The following WDR35 variants were observed in gnomAD, a reference collection of about 807,000 sequenced individuals.
WDR35 encodes the protein WD repeat-containing protein 35.
A neutral mutation model predicts 158.3 loss-of-function variants in WDR35; 118 were observed. The observed-to-expected ratio is 0.75, with a 90% CI of 0.64 to 0.87. The LOEUF (loss-of-function observed/expected upper bound fraction) is 0.87. WDR35 is among the 40% of genes least tolerant of loss of function. WDR35 has a pLI of 0.00. For synonymous variants in WDR35, 448 were observed against 476.1 expected, an observed-to-expected ratio of 0.94 and a Z score of 0.77; for missense variants, 1,263 against 1,405.8, an observed-to-expected ratio of 0.90 and a Z score of 1.62.
At chr2:19,942,364 G>A (rs1670907328) in intron 16 of WDR35, among the ~76,000 whole-genome samples, 1 of 152,120 alleles carries the variant, frequency 6.6e-6, no homozygotes, top group South Asian at 2.1e-4. Flanking sequence ...ACATGAGCCA[G>A]AGTGCATTCC....
chr2:19,948,056 G>T, intron 14 of WDR35, 108 bp downstream of exon 14: 1 of 869,484 alleles, frequency 1.2e-6, no homozygotes, highest in Non-Finnish European at 1.8e-6. Context: ...TCCTGCTTCA[G>T]CTTCCCAAGT....
In WDR35 at chr2:19,931,401, A is replaced by G; in HGVS notation, c.2832T>C (p.Asp944=). The change falls in exon 24 of 27, where the codon GAT becomes GAC. Residue 944 remains aspartate, a synonymous_variant. Coordinates refer to ENST00000281405, the MANE Select transcript of WDR35 (RefSeq NM_020779.4). ...DAAKLMFKIA[D]EEAKKGSKPL... ...GTTTACTTCCTTTCTTTGCCTCTTC[A>G]TCTGCAATCTTAAACATTTTTCAAA... is the stretch of plus-strand genomic sequence containing the variant. 5 of 1,613,284 alleles carry G rather than the reference A, an allele frequency of 3.1e-6. No homozygotes were observed. In the South Asian group the frequency reaches 3.3e-5, roughly 11 times the overall value.
chr2:19,965,791 T>C lies in WDR35; in HGVS notation c.1194+933A>G, dbSNP rs549013254. The stretch of plus-strand genomic sequence containing the variant: ...GGATCTCCTTCTTCTTAAAAAAAGT[T>C]TTCTCTTTTCTGCATAATCTCTGGT... On this transcript the variant is annotated intron_variant, in intron 10 of 26. Transcript: ENST00000281405. 7.9e-5 allele frequency among the ~76,000 whole-genome samples: 12 copies of C among 152,240 alleles called. No homozygotes were observed. The South Asian group carries it at 2.3e-3, about 29-fold the overall frequency.
Position 19,946,432 on chromosome 2 carries a change from A to T in WDR35, c.1634+29T>A, listed in dbSNP as rs1471546190. On this transcript the variant is annotated intron_variant, in intron 15 of 26. Transcript: ENST00000281405. ...CCAACTGATCATTTCTAAGTCTAAC[A>T]TCTACATGAGCAGAGTTTTCAGGCT... is the stretch of plus-strand genomic sequence containing the variant. 3 of 1,558,644 alleles carry T rather than the reference A, an allele frequency of 1.9e-6. No homozygotes were observed. The African/African-American group carries it at 4.1e-5, about 21-fold the overall frequency.
At chr2:19,929,705 G>A (rs1670468667) in intron 25 of WDR35, among the ~76,000 whole-genome samples, 1 of 152,138 alleles carries the variant, frequency 6.6e-6, no homozygotes, top group African/African-American at 2.4e-5. Flanking sequence ...AATGAGGAAA[G>A]AACTATAATA....
At chr2:19,935,735 A>G (rs1266000283) in intron 20 of WDR35, 132 bp from the exon 21 acceptor site, 2 of 1,077,684 alleles carry the variant, frequency 1.9e-6, no homozygotes, top group Non-Finnish European at 2.6e-6. Context: ...CAGCTTCAGA[A>G]TAACTTTCAA....
At chr2:19,939,868 G>A (rs988223152) in intron 17 of WDR35, among the ~76,000 whole-genome samples, 1 of 151,716 alleles carries the variant, frequency 6.6e-6, no homozygotes, top group African/African-American at 2.4e-5. Context: ...GATTCAAGAA[G>A]CTCACTCTTT....
chr2:19,935,342 T>C (rs775433293), intron 21 of WDR35, 129 bp downstream of exon 21: 6 of 991,872 alleles, frequency 6.0e-6, no homozygotes, highest in Non-Finnish European at 8.7e-6. Context: ...AAAGCATCAT[T>C]CCATGTCTAA....
chr2:19,937,800 A>C lies in WDR35; in HGVS notation c.2210T>G (p.Val737Gly). ...LSESMKQAEV[V>G]GYFGRFEEAE... The stretch of plus-strand genomic sequence containing the variant: ...CTCTTCAAACCTGCCGAAGTAGCCA[A>C]CAACTTCAGCCTGTTTCATTGACTC... The change falls in exon 19 of 27, where the codon GTT (valine) becomes GGT (glycine). Residue 737 changes from valine (V) to glycine (G), a missense_variant. By Grantham distance (109) the Val-to-Gly change is moderately radical. Coordinates refer to ENST00000281405, the MANE Select transcript of WDR35 (RefSeq NM_020779.4). 6.2e-7 allele frequency: 1 copy of C among 1,614,150 alleles called. No homozygotes were observed. Among genetic ancestry groups the C allele is most frequent in the Non-Finnish European group, 8.5e-7 (1 of 1,179,996 alleles).
Position 19,938,398 on chromosome 2 carries a change from G to C in WDR35, c.1930C>G (p.Pro644Ala), listed in dbSNP as rs758919526. 19 of 1,613,312 alleles carry C rather than the reference G, an allele frequency of 1.2e-5. No homozygotes were observed. Among genetic ancestry groups the C allele is most frequent in the Admixed American group, 1.7e-5 (1 of 59,894 alleles). The change falls in exon 18 of 27, where the codon CCA becomes GCA. Residue 644 changes from proline (P) to alanine (A), a missense_variant. By Grantham distance (27) the Pro-to-Ala change is conservative. Transcript: ENST00000281405. ...SVLLDEILKD[P>A]EHPNKDYLIN... Reference sequence around the variant, plus strand: ...AGGTAATCCTTGTTTGGATGTTCTGGATCCTAAAAGTAAAGATGAAAACAA... The same window carrying C: ...AGGTAATCCTTGTTTGGATGTTCTGCATCCTAAAAGTAAAGATGAAAACAA...
At chr2:19,982,685 A>G (rs578247086) in intron 2 of WDR35, 151 bp from the exon 3 acceptor site, 2 of 806,890 alleles carry the variant, frequency 2.5e-6, no homozygotes, top group Non-Finnish European at 1.9e-6. Flanking sequence ...AACATGAACA[A>G]TAACACATAC....
intron 24 of WDR35, 65 bp from the exon 25 acceptor site, chr2:19,930,617 TAAC>T: frequency 6.2e-7 from 1 of 1,604,284 alleles, no homozygotes; most frequent in Non-Finnish European, 8.5e-7. Flanking sequence ...AACTCCCAAA[TAAC>T]AACAGTCATT....
chr2:19,928,385 G>A (rs1670421658), intron 25 of WDR35, among the ~76,000 whole-genome samples: 1 of 152,090 alleles, frequency 6.6e-6, no homozygotes, highest in Non-Finnish European at 1.5e-5. Flanking sequence ...CTCTGTTCGG[G>A]GCTCTCAGCT....
intron 25 of WDR35, among the ~76,000 whole-genome samples, chr2:19,927,152 C>T (rs1037742604): frequency 2.0e-5 from 3 of 152,194 alleles, no homozygotes; most frequent in African/African-American, 4.8e-5. Context: ...AACAATTACA[C>T]TTATTGGGCA....
intron 12 of WDR35, among the ~76,000 whole-genome samples, chr2:19,952,917 A>C (rs1671292690): frequency 6.7e-6 from 1 of 150,350 alleles, no homozygotes; most frequent in African/African-American, 2.5e-5. Flanking sequence ...GCCTCCCATC[A>C]ACATACTTTT....
At chr2:19,965,017 G>A (rs1326133621) in intron 10 of WDR35, among the ~76,000 whole-genome samples, 4 of 151,932 alleles carry the variant, frequency 2.6e-5, no homozygotes, top group South Asian at 2.1e-4. Flanking sequence ...TCTGCCTCCC[G>A]GGTTCAAGCG....
chr2:19,929,913 T>C (rs1004361426), intron 25 of WDR35, among the ~76,000 whole-genome samples: 2 of 152,086 alleles, frequency 1.3e-5, no homozygotes, highest in Non-Finnish European at 2.9e-5. Flanking sequence ...AGATAAATGC[T>C]ATAGCAATGT....
chr2:19,925,610 T>C (rs1235164053), intron 25 of WDR35, among the ~76,000 whole-genome samples: 1 of 152,168 alleles, frequency 6.6e-6, no homozygotes, highest in Non-Finnish European at 1.5e-5. Context: ...CTGAAGTATA[T>C]CAAAGTAGTT....
chr2:19,961,742 C>T (rs987220874), intron 10 of WDR35, among the ~76,000 whole-genome samples: 2 of 152,076 alleles, frequency 1.3e-5, no homozygotes, highest in Admixed American at 6.5e-5. Context: ...TCTGAAGGGC[C>T]AAAGGACAAT....
Sources: allele counts gnomAD v4.1 joint callset (sites outside exome capture counted in the v4.1 genomes callset), GRCh38; gene constraint gnomAD v4.1.1; transcripts MANE v1.5; gene names NCBI Gene and HGNC (gene_info 2026-07-23, HGNC 2026-07-21).